The following DNAJC10 variants were observed in gnomAD, a reference collection of about 807,000 sequenced individuals.
DNAJC10 encodes the protein endoplasmic reticulum disulfide reductase DNAJC10.
A neutral mutation model predicts 115.0 loss-of-function variants in DNAJC10; 101 were observed. The observed-to-expected ratio is 0.88, with a 90% CI of 0.75 to 1.04. The LOEUF (loss-of-function observed/expected upper bound fraction) is 1.04. Among genes scored for constraint, DNAJC10 ranks in the 50% least tolerant of loss-of-function variants. The pLI is 0.00. For missense variants in DNAJC10, 981 were observed against 928.8 expected, an observed-to-expected ratio of 1.06 and a Z score of -0.73; for synonymous variants, 307 against 301.5, an observed-to-expected ratio of 1.02 and a Z score of -0.19.
intron 14 of DNAJC10, among the ~76,000 whole-genome samples, chr2:182,746,560 C>T (rs375245397): frequency 8.0e-4 from 122 of 151,828 alleles, no homozygotes; most frequent in Middle Eastern, 3.4e-3. Context: ...TCATGTCCTT[C>T]GCCCACTTTT....
intron 5 of DNAJC10, among the ~76,000 whole-genome samples, chr2:182,724,701 A>G (rs770014367): frequency 5.4e-4 from 82 of 152,204 alleles, no homozygotes; most frequent in Non-Finnish European, 1.1e-3. Flanking sequence ...ATGTATATTA[A>G]CAGACAGTAG....
chr2:182,745,155 T>G (rs574569716), intron 14 of DNAJC10, among the ~76,000 whole-genome samples: 1 of 152,328 alleles, frequency 6.6e-6, no homozygotes, highest in East Asian at 1.9e-4. Context: ...ATCTCATCTG[T>G]TTTGCTCACT....
At chr2:182,747,037 T>C (rs1693886015) in intron 14 of DNAJC10, among the ~76,000 whole-genome samples, 1 of 152,306 alleles carries the variant, frequency 6.6e-6, no homozygotes, top group South Asian at 2.1e-4. Context: ...GATCAGATAG[T>C]TGTATATATG....
chr2:182,750,989 A>G (rs545514733), intron 14 of DNAJC10, among the ~76,000 whole-genome samples: 4 of 152,274 alleles, frequency 2.6e-5, no homozygotes, highest in South Asian at 4.1e-4. Context: ...TTGAATTCAT[A>G]AGAGAAGTCT....
intron 16 of DNAJC10, among the ~76,000 whole-genome samples, chr2:182,752,950 G>C (rs533028631): frequency 6.6e-6 from 1 of 152,282 alleles, no homozygotes; most frequent in Admixed American, 6.5e-5. Context: ...TTGTTTGGAT[G>C]CAGTTTAAAC....
In DNAJC10 at chr2:182,788,777, T is replaced by C. The variant is rs1373367359; in HGVS notation, c.*11645T>C. On this transcript the variant is annotated 3_prime_UTR_variant, in exon 24 of 24. Transcript: ENST00000264065. ...AAAGGTAGACTATTCAGAAGTTTTC[T>C]AAAATGGACTTCAAGCTCTATGACT... 2.2e-6 allele frequency: 1 copy of C among 452,536 alleles called. No homozygotes were observed. Among genetic ancestry groups the C allele is most frequent in the Admixed American group, 2.4e-5 (1 of 41,502 alleles). 28.0% of individuals were successfully genotyped at this position (452,536 alleles called of 1,614,324 possible). A position where few individuals can be genotyped will look rare whatever the true frequency, so the allele number is the denominator to read the frequency against.
chr2:182,729,121 A>G (rs955619248), intron 7 of DNAJC10, 127 bp downstream of exon 7: 5 of 924,390 alleles, frequency 5.4e-6, no homozygotes, highest in Non-Finnish European at 6.5e-6. Context: ...CCATCTCACT[A>G]GTCTTCTGTA....
rs555751668 is a variant in DNAJC10 at position 182,794,446 on chromosome 2, C to T, written c.*17314C>T. On this transcript the variant is annotated 3_prime_UTR_variant, in exon 24 of 24. Transcript: ENST00000264065. The stretch of plus-strand genomic sequence containing the variant: ...TTATAACATGTAGAAGTGAAATAAA[C>T]TTGTCACAAAAATGCAAATTGTGTC... 1.3e-5 allele frequency: 2 copies of T among 152,226 alleles called. No individual in the cohort carries two copies. Among genetic ancestry groups the T allele is most frequent in the South Asian group, 4.1e-4 (2 of 4,824 alleles). The allele number at this position is 152,226 out of a possible 1,614,324, so 9.4% of individuals were successfully genotyped here.
chr2:182,722,191 A>ATG (rs1380970584), intron 5 of DNAJC10, 116 bp downstream of exon 5: 4 of 705,682 alleles, frequency 5.7e-6, no homozygotes, highest in Non-Finnish European at 7.3e-6. Context: ...AACAGTAATA[A>ATG]TGTAATATAC....
At position 182,790,094 on chromosome 2, in the gene DNAJC10, TCTTTA is replaced by T. The variant is rs1186921455; in HGVS notation, c.*12966_*12970del. On this transcript the variant is annotated 3_prime_UTR_variant, in exon 24 of 24. Coordinates refer to ENST00000264065, the MANE Select transcript of DNAJC10 (RefSeq NM_018981.4). ...TTCCACTGTAAAGCCTTTGCTGACT[TCTTTA>T]CTTCACATTGATTTCTGAATTTCTA... 6.6e-6 allele frequency: 1 copy of T among 152,222 alleles called. No homozygotes were observed. The highest frequency in any genetic ancestry group is 1.9e-4 in the East Asian group (1 of 5,204). 9.4% of individuals were successfully genotyped at this position (152,222 alleles called of 1,614,324 possible). A position where few individuals can be genotyped will look rare whatever the true frequency, so the allele number is the denominator to read the frequency against.
chr2:182,742,276 A>G (rs531077658), intron 13 of DNAJC10, among the ~76,000 whole-genome samples: 198 of 152,182 alleles, frequency 1.3e-3, no homozygotes, highest in Admixed American at 2.0e-3. Context: ...CCTCAGCCTC[A>G]TGGGTTCAAG....
chr2:182,727,171 G>A (rs1693309007), intron 5 of DNAJC10, among the ~76,000 whole-genome samples: 1 of 149,794 alleles, frequency 6.7e-6, no homozygotes, highest in African/African-American at 2.5e-5. Flanking sequence ...AGTGATACTT[G>A]CTATGTTGTG....
chr2:182,791,711 T>C lies in DNAJC10; in HGVS notation c.*14579T>C, dbSNP rs1294859077. 1 of 152,178 alleles carries C rather than the reference T, an allele frequency of 6.6e-6. No homozygotes were observed. Among genetic ancestry groups the C allele is most frequent in the Non-Finnish European group, 1.5e-5 (1 of 68,030 alleles). 9.4% of individuals were successfully genotyped at this position (152,178 alleles called of 1,614,324 possible). ...CCAGTATTTGGGCATACAAACTGTATACAACATTTTATAACACTCTAATGT... is the reference window on the plus strand; with the variant it reads ...CCAGTATTTGGGCATACAAACTGTACACAACATTTTATAACACTCTAATGT... On this transcript the variant is annotated 3_prime_UTR_variant, in exon 24 of 24. Transcript: ENST00000264065.
At position 182,777,102 on chromosome 2, in the gene DNAJC10, CT is replaced by C; in HGVS notation, c.2371-16del. 1.4e-6 allele frequency: 2 copies of C among 1,387,014 alleles called. No homozygotes were observed. Among genetic ancestry groups the C allele is most frequent in the Non-Finnish European group, 9.7e-7 (1 of 1,034,462 alleles). 85.9% of individuals were successfully genotyped at this position (1,387,014 alleles called of 1,614,324 possible). A position where few individuals can be genotyped will look rare whatever the true frequency, so the allele number is the denominator to read the frequency against. On this transcript the variant is annotated intron_variant, in intron 23 of 23. Coordinates refer to ENST00000264065, the MANE Select transcript of DNAJC10 (RefSeq NM_018981.4). ...TCATACTTTCTCCTTTCTCTATCGC[CT>C]TTACATTATTATTATAGGATGAACT...
In DNAJC10 at chr2:182,790,009, C is replaced by G. The variant is rs1257973429; in HGVS notation, c.*12877C>G. On this transcript the variant is annotated 3_prime_UTR_variant, in exon 24 of 24. Transcript: ENST00000264065. ...TTGTATTACTTTCCCATTTGGATGC[C>G]CTTTTCATCCTTCACCTCATCCTGT... The G allele has an allele frequency of 6.6e-6, 1 of 152,084 alleles. No individual in the cohort carries two copies. The highest frequency in any genetic ancestry group is 2.4e-5 in the African/African-American group (1 of 41,406). The allele number at this position is 152,084 out of a possible 1,614,324, so 9.4% of individuals were successfully genotyped here.
At position 182,736,347 on chromosome 2, in the gene DNAJC10, TG is replaced by T; in HGVS notation, c.950del (p.Gly317GlufsTer4). 6.3e-7 allele frequency: 1 copy of T among 1,585,642 alleles called. No individual in the cohort carries two copies. Among genetic ancestry groups the T allele is most frequent in the African/African-American group, 1.4e-5 (1 of 73,162 alleles). On this transcript the variant is annotated frameshift_variant, in exon 11 of 24. Coordinates refer to ENST00000264065, the MANE Select transcript of DNAJC10 (RefSeq NM_018981.4). LOFTEE classifies it high-confidence loss of function. ...CAAGTACTACTGCTTATTTTCCTCCTGGAGCCACTTTAAATAACAAAGAGAA... is the reference window on the plus strand; with the variant it reads ...CAAGTACTACTGCTTATTTTCCTCCTGAGCCACTTTAAATAACAAAGAGAA... ...TTSTTAYFPPGATLNNKEKNS... is the reference protein window; with the variant it reads ...TTSTTAYFPPXATLNNKEKNS...
intron 9 of DNAJC10, among the ~76,000 whole-genome samples, chr2:182,731,516 C>T (rs534871654): frequency 3.3e-5 from 5 of 152,020 alleles, no homozygotes; most frequent in Non-Finnish European, 7.4e-5. Context: ...TTGCCTCATA[C>T]AATTATATAC....
chr2:182,719,730 A>C (rs1693097145), intron 3 of DNAJC10, among the ~76,000 whole-genome samples: 1 of 151,930 alleles, frequency 6.6e-6, no homozygotes. Context: ...TTTTTTAGGA[A>C]GAATAACTCA....
intron 11 of DNAJC10, among the ~76,000 whole-genome samples, chr2:182,739,106 C>G (rs976470445): frequency 6.7e-6 from 1 of 150,196 alleles, no homozygotes; most frequent in African/African-American, 2.4e-5. Flanking sequence ...TTTGTTATGG[C>G]ATTTTAAGCT....
Sources: gnomAD v4.1 joint callset for allele counts (sites outside exome capture counted in the v4.1 genomes callset) on GRCh38, gnomAD v4.1.1 for gene constraint, MANE v1.5 for transcripts, NCBI Gene and HGNC (gene_info 2026-07-23, HGNC 2026-07-21) for gene names.